CLVS1: variants seen among roughly 807,000 people sequenced by gnomAD.
The protein encoded by CLVS1 is clavesin-1.
A neutral mutation model predicts 33.1 loss-of-function variants in CLVS1; 10 were observed. The ratio of observed to expected loss-of-function variants is 0.30; its 90% confidence interval spans 0.19 to 0.51. CLVS1 has a LOEUF of 0.51. Ranked by LOEUF, CLVS1 falls within the 20% of genes least tolerant of loss-of-function variation. CLVS1 has a pLI of 0.97. For missense variants in CLVS1, 343 were observed against 433.4 expected (o/e 0.79, Z 1.85); for synonymous variants, 163 against 166.1 (o/e 0.98, Z 0.14).
chr8:61,168,427 T>A (rs898898211), intron 2 of CLVS1, among the ~76,000 whole-genome samples: 1 of 152,240 alleles, frequency 6.6e-6, no homozygotes, highest in African/African-American at 2.4e-5. Context: ...AGGCCAAGTA[T>A]AACAAAACTA....
the CLVS1 span, among the ~76,000 whole-genome samples, chr8:61,034,133 C>T: frequency 2.0e-5 from 3 of 152,192 alleles, no homozygotes; most frequent in Admixed American, 6.5e-5. Context: ...GAAGCCAGCA[C>T]GTCCTTTTCT....
At chr8:61,198,040 T>C (rs753163225) in intron 2 of CLVS1, among the ~76,000 whole-genome samples, 3 of 152,230 alleles carry the variant, frequency 2.0e-5, no homozygotes, top group Non-Finnish European at 2.9e-5. Flanking sequence ...GGTGCTATGA[T>C]TGTTCACCTG....
chr8:60,974,696 A>G, the CLVS1 span, among the ~76,000 whole-genome samples: 3 of 151,904 alleles, frequency 2.0e-5, no homozygotes, highest in Non-Finnish European at 2.9e-5. Context: ...AGAGAATGGC[A>G]TGAACCCGGG....
At chr8:61,305,672 TA>T (rs1810598354) in intron 2 of CLVS1, among the ~76,000 whole-genome samples, 1 of 152,118 alleles carries the variant, frequency 6.6e-6, no homozygotes, top group Non-Finnish European at 1.5e-5. Flanking sequence ...TTAAGCCTAG[TA>T]TTCATTAGTT....
the CLVS1 span, among the ~76,000 whole-genome samples, chr8:61,001,835 A>G: frequency 6.6e-6 from 1 of 152,164 alleles, no homozygotes; most frequent in Admixed American, 6.5e-5. Flanking sequence ...CCTTTACACC[A>G]TCGTTGCCTA....
intron 2 of CLVS1, among the ~76,000 whole-genome samples, chr8:61,240,298 C>G (rs1057035403): frequency 2.0e-5 from 3 of 152,194 alleles, no homozygotes; most frequent in African/African-American, 7.2e-5. Context: ...GCTCAACTCT[C>G]ATTGACCATT....
intron 1 of CLVS1, among the ~76,000 whole-genome samples, chr8:61,083,977 G>C (rs1805073039): frequency 6.6e-6 from 1 of 152,120 alleles, no homozygotes; most frequent in Admixed American, 6.5e-5. Context: ...TCCCAGCTGG[G>C]AAGAACAAAT....
chr8:61,477,469 A>C (rs1294095164), intron 5 of CLVS1, among the ~76,000 whole-genome samples: 1 of 152,150 alleles, frequency 6.6e-6, no homozygotes, highest in Non-Finnish European at 1.5e-5. Flanking sequence ...TATTGCCTCA[A>C]TTCAGAGCCT....
At chr8:61,460,010 G>A (rs1307366678) in intron 5 of CLVS1, among the ~76,000 whole-genome samples, 1 of 152,044 alleles carries the variant, frequency 6.6e-6, no homozygotes, top group Non-Finnish European at 1.5e-5. Context: ...CAGTCGTATT[G>A]AATTATGACC....
intron 1 of CLVS1, among the ~76,000 whole-genome samples, chr8:61,084,280 C>T (rs563385354): frequency 6.6e-6 from 1 of 152,240 alleles, no homozygotes; most frequent in South Asian, 2.1e-4. Flanking sequence ...CACAGGCAAA[C>T]CTGGACAACT....
chr8:61,298,619 C>G (rs932264891), intron 1 of CLVS1, among the ~76,000 whole-genome samples: 1 of 152,168 alleles, frequency 6.6e-6, no homozygotes, highest in Non-Finnish European at 1.5e-5. Flanking sequence ...CTGCCTCTTA[C>G]TGCAGATAAG....
chr8:61,392,820 G>A (rs772576260), intron 3 of CLVS1, among the ~76,000 whole-genome samples: 35 of 150,136 alleles, frequency 2.3e-4, no homozygotes, highest in Non-Finnish European at 4.6e-4. Flanking sequence ...TCCAGCCTGG[G>A]TGACAGAGCA....
intron 3 of CLVS1, among the ~76,000 whole-genome samples, chr8:61,383,052 G>A (rs374504971): frequency 6.6e-6 from 1 of 152,202 alleles, no homozygotes; most frequent in Non-Finnish European, 1.5e-5. Flanking sequence ...TGGCTCTAGT[G>A]CACTCATTTA....
intron 2 of CLVS1, among the ~76,000 whole-genome samples, chr8:61,141,474 C>T (rs1806307028): frequency 6.6e-6 from 1 of 151,458 alleles, no homozygotes. Context: ...AATATATTGG[C>T]TTATGTATAT....
At chr8:61,226,983 T>A (rs1325604903) in intron 2 of CLVS1, among the ~76,000 whole-genome samples, 1 of 79,222 alleles carries the variant, frequency 1.3e-5, no homozygotes, top group Non-Finnish European at 2.7e-5. Flanking sequence ...AAAACATGTT[T>A]TTTTTTTTTT....
intron 2 of CLVS1, among the ~76,000 whole-genome samples, chr8:61,305,471 T>A (rs1383155388): frequency 6.6e-6 from 1 of 152,204 alleles, no homozygotes; most frequent in Non-Finnish European, 1.5e-5. Context: ...CATAATGGCC[T>A]TCAGTTCCAT....
chr8:61,285,964 T>TG (rs1283974693), upstream of CLVS1, among the ~76,000 whole-genome samples: 15 of 151,684 alleles, frequency 9.9e-5, no homozygotes, highest in South Asian at 2.1e-4. Context: ...CTGTAGTTTT[T>TG]TTTTTTTTTT....
intron 2 of CLVS1, among the ~76,000 whole-genome samples, chr8:61,188,401 C>CA (rs1227900518): frequency 6.6e-6 from 1 of 151,690 alleles, no homozygotes; most frequent in African/African-American, 2.4e-5. Flanking sequence ...GCCAGGCATA[C>CA]AAAAAAATCA....
At chr8:61,322,204 A>C (rs1250968103) in intron 2 of CLVS1, among the ~76,000 whole-genome samples, 1 of 152,168 alleles carries the variant, frequency 6.6e-6, no homozygotes, top group Non-Finnish European at 1.5e-5. Flanking sequence ...GTAAATATCC[A>C]GGGATTTATT....
Sources: gnomAD v4.1 joint callset for allele counts (sites outside exome capture counted in the v4.1 genomes callset) on GRCh38, gnomAD v4.1.1 for gene constraint, MANE v1.5 for transcripts, NCBI Gene and HGNC (gene_info 2026-07-23, HGNC 2026-07-21) for gene names.